THEM4: variants seen among roughly 807,000 people sequenced by gnomAD.
The protein encoded by THEM4 is acyl-coenzyme A thioesterase THEM4.
Under a neutral mutation model 25.0 loss-of-function variants are expected in THEM4, and 22 were observed. The observed-to-expected ratio is 0.88, with a 90% CI of 0.63 to 1.26. The LOEUF (loss-of-function observed/expected upper bound fraction) is 1.26, where lower values mean the gene tolerates loss of function less well. THEM4 is among the 50% of genes most tolerant of loss of function. The pLI is 0.00. For missense variants in THEM4, 286 were observed against 300.3 expected (o/e 0.95, Z 0.35); for synonymous variants, 113 against 105.6 (o/e 1.07, Z -0.43).
At chr1:151,901,944 T>C (rs11204911) in intron 1 of THEM4, among the ~76,000 whole-genome samples, 134,918 of 152,308 alleles carry the variant, frequency 0.89, 59,932 homozygotes, top group South Asian at 0.93. Flanking sequence ...ATTCTTCAGA[T>C]TGAATGACAA....
At chr1:151,888,899 A>AT (rs1337344098) in intron 3 of THEM4, among the ~76,000 whole-genome samples, 1 of 150,700 alleles carries the variant, frequency 6.6e-6, no homozygotes, top group Non-Finnish European at 1.5e-5. Flanking sequence ...AAAAAGAAAA[A>AT]AATTTAGGAC....
rs747575402 is a variant in THEM4, at chr1:151,872,944, GA to G, written c.*1943del. On this transcript the variant is annotated 3_prime_UTR_variant, in exon 6 of 6. Coordinates refer to ENST00000368814, the MANE Select transcript of THEM4 (RefSeq NM_053055.5). Reference sequence around the variant, plus strand: ...CCCGCAAAGGGTCTGTGCTGAGGGGGATTAGTAAAAGAGGAAGGCCTCTTGT... The same window carrying G: ...CCCGCAAAGGGTCTGTGCTGAGGGGGTTAGTAAAAGAGGAAGGCCTCTTGT... Among the ~76,000 whole-genome samples the G allele has an allele frequency of 3.9e-5, 6 of 152,124 alleles. No homozygotes were observed. The highest frequency in any genetic ancestry group is 3.2e-3 in the Middle Eastern group (1 of 316).
At chr1:151,876,943 C>G in intron 5 of THEM4, 58 bp downstream of exon 5, 2 of 1,534,270 alleles carry the variant, frequency 1.3e-6, no homozygotes, top group Admixed American at 4.3e-5. Context: ...ACCAACCAAC[C>G]AAAACTCCCA....
Position 151,880,471 on chromosome 1 carries a change from C to G in THEM4, c.558-3346G>C, listed in dbSNP as rs536303098. Among the ~76,000 whole-genome samples, 12 of 151,766 alleles carry G rather than the reference C, an allele frequency of 7.9e-5. No homozygotes were observed. The South Asian group carries it at 1.3e-3, about 16-fold the overall frequency. On this transcript the variant is annotated intron_variant, in intron 4 of 5. Coordinates refer to ENST00000368814, the MANE Select transcript of THEM4 (RefSeq NM_053055.5). ...CCAGCCTGGGTGACAGAGCGAGACT[C>G]TGTCTTGAAAAAAAAAAATTGAGAA...
chr1:151,871,944 T>C lies in THEM4; in HGVS notation c.*2944A>G, dbSNP rs1653563275. Among the ~76,000 whole-genome samples, 1 of 152,248 alleles carries C rather than the reference T, an allele frequency of 6.6e-6. No homozygotes were observed. Among genetic ancestry groups the C allele is most frequent in the South Asian group, 2.1e-4 (1 of 4,832 alleles). ...GCGCTGGCTTATTCCTTCGGAGTCA[T>C]ATTTTTTAACATGTGAAATATAATT... is the stretch of plus-strand genomic sequence containing the variant. On this transcript the variant is annotated 3_prime_UTR_variant, in exon 6 of 6. Transcript: ENST00000368814.
At chr1:151,896,951 G>C (rs1654238689) in intron 1 of THEM4, among the ~76,000 whole-genome samples, 1 of 152,086 alleles carries the variant, frequency 6.6e-6, no homozygotes, top group Admixed American at 6.5e-5. Flanking sequence ...GGAGCTCAGG[G>C]GACAAGTTTT....
At chr1:151,893,437 AG>A (rs1654140665) in intron 2 of THEM4, among the ~76,000 whole-genome samples, 1 of 151,674 alleles carries the variant, frequency 6.6e-6, no homozygotes, top group Admixed American at 6.6e-5. Context: ...AGAGAGAGAG[AG>A]AGAGAGACTG....
chr1:151,877,466 T>C (rs1407484142), intron 4 of THEM4, among the ~76,000 whole-genome samples: 1 of 152,212 alleles, frequency 6.6e-6, no homozygotes, highest in Admixed American at 6.5e-5. Flanking sequence ...TGAAATGCTT[T>C]AAAGAAGTGA....
chr1:151,892,862 G>A (rs760857529), intron 2 of THEM4, among the ~76,000 whole-genome samples: 2 of 152,154 alleles, frequency 1.3e-5, no homozygotes, highest in African/African-American at 2.4e-5. Flanking sequence ...ACTAAGGACT[G>A]AGACTTGAGG....
rs1169002550 is a variant in THEM4 at position 151,871,791 on chromosome 1, C to G, written c.*3097G>C. On this transcript the variant is annotated 3_prime_UTR_variant, in exon 6 of 6. Coordinates refer to ENST00000368814, the MANE Select transcript of THEM4 (RefSeq NM_053055.5). ...GCACTCTTTCAGTTAGGTTCTTTCA[C>G]TTGGCTGGAGGTCTGGTGTGCCATA... Among the ~76,000 whole-genome samples the G allele has an allele frequency of 6.6e-6, 1 of 152,174 alleles. No individual in the cohort carries two copies. The highest frequency in any genetic ancestry group is 1.5e-5 in the Non-Finnish European group (1 of 68,044).
At position 151,873,416 on chromosome 1, in the gene THEM4, C is replaced by T. The variant is rs1653599335; in HGVS notation, c.*1472G>A. On this transcript the variant is annotated 3_prime_UTR_variant, in exon 6 of 6. Transcript: ENST00000368814. ...AGGGTTCTTTCTTTATACTTTGTCT[C>T]TGTGCCTTATTTCTTTTCTCAGTCT... 6.6e-6 allele frequency among the ~76,000 whole-genome samples: 1 copy of T among 152,152 alleles called. No individual in the cohort carries two copies. The highest frequency in any genetic ancestry group is 1.5e-5 in the Non-Finnish European group (1 of 68,034).
chr1:151,899,651 G>A (rs549531851), intron 1 of THEM4, among the ~76,000 whole-genome samples: 1 of 152,138 alleles, frequency 6.6e-6, no homozygotes, highest in Non-Finnish European at 1.5e-5. Context: ...AAGAAGTCTG[G>A]GATTTTGTTA....
chr1:151,888,061 G>T (rs1227686446), intron 4 of THEM4, among the ~76,000 whole-genome samples: 1 of 152,152 alleles, frequency 6.6e-6, no homozygotes, highest in Non-Finnish European at 1.5e-5. Context: ...TGTATGATCT[G>T]GCTAAAGCTA....
chr1:151,891,861 A>C (rs1397066073), intron 2 of THEM4, among the ~76,000 whole-genome samples: 2 of 152,202 alleles, frequency 1.3e-5, no homozygotes, highest in Non-Finnish European at 2.9e-5. Context: ...AATACTCAAC[A>C]CTGAGGGAGA....
intron 5 of THEM4, among the ~76,000 whole-genome samples, chr1:151,875,706 G>A (rs115486254): frequency 0.01 from 1,568 of 152,158 alleles, 35 homozygotes; most frequent in African/African-American, 0.036. Flanking sequence ...TGCAAATCAA[G>A]ATCACACCGA....
chr1:151,884,031 C>T (rs1299450968), intron 4 of THEM4, among the ~76,000 whole-genome samples: 9 of 151,232 alleles, frequency 6.0e-5, no homozygotes, highest in South Asian at 4.2e-4. Flanking sequence ...GCTGAGATTG[C>T]GCCACTGCAC....
At chr1:151,897,568 A>C (rs1322737734) in intron 1 of THEM4, among the ~76,000 whole-genome samples, 1 of 152,200 alleles carries the variant, frequency 6.6e-6, no homozygotes, top group African/African-American at 2.4e-5. Context: ...TATTGTAGGA[A>C]CATAATACGT....
intron 1 of THEM4, among the ~76,000 whole-genome samples, chr1:151,908,310 C>T (rs1410839054): frequency 6.6e-6 from 1 of 152,256 alleles, no homozygotes; most frequent in East Asian, 1.9e-4. Flanking sequence ...GTATGCTCCA[C>T]AGCAAACTTC....
intron 4 of THEM4, among the ~76,000 whole-genome samples, chr1:151,887,882 C>T (rs1190011758): frequency 6.6e-6 from 1 of 152,162 alleles, no homozygotes; most frequent in Non-Finnish European, 1.5e-5. Flanking sequence ...GTTATTTTCT[C>T]TAGAGTCTGC....
Sources: gnomAD v4.1 joint callset for allele counts (sites outside exome capture counted in the v4.1 genomes callset) on GRCh38, gnomAD v4.1.1 for gene constraint, MANE v1.5 for transcripts, NCBI Gene and HGNC (gene_info 2026-07-23, HGNC 2026-07-21) for gene names.